The following HDAC11 variants were observed in gnomAD, a reference collection of about 807,000 sequenced individuals.
HDAC11 encodes histone deacetylase 11.
Under a neutral mutation model 41.1 loss-of-function variants are expected in HDAC11, and 23 were observed. The ratio of observed to expected loss-of-function variants is 0.56; its 90% CI spans 0.40 to 0.79. The LOEUF (loss-of-function observed/expected upper bound fraction) is 0.79. HDAC11 is among the 30% of genes least tolerant of loss of function. HDAC11 has a pLI of 0.00. For synonymous variants in HDAC11, 187 were observed against 186.6 expected (o/e 1.00, Z -0.02); for missense variants, 402 against 477.3 (o/e 0.84, Z 1.47).
At position 13,506,207 on chromosome 3, in the gene HDAC11, G is replaced by A. The variant is rs904194031; in HGVS notation, c.*1524G>A. 6.6e-6 allele frequency: 1 copy of A among 152,206 alleles called. No homozygotes were observed. The highest frequency in any genetic ancestry group is 1.5e-5 in the Non-Finnish European group (1 of 68,076). 9.4% of individuals were successfully genotyped at this position (152,206 alleles called of 1,614,324 possible). A position where few individuals can be genotyped will look rare whatever the true frequency, so the allele number is the denominator to read the frequency against. ...CCATTCACACCCAACACAGGCCAGC[G>A]ACTTCTGGGGCTCAGCCACAGACAT... On this transcript the variant is annotated 3_prime_UTR_variant, in exon 10 of 10. Transcript: ENST00000295757.
intron 5 of HDAC11, 48 bp downstream of exon 5, chr3:13,498,603 A>C (rs774716170): frequency 6.5e-7 from 1 of 1,533,780 alleles, no homozygotes; most frequent in East Asian, 2.3e-5. Flanking sequence ...GCTTGGTGGA[A>C]CTGGCCTGAA....
At chr3:13,495,656 C>T (rs1213936706) in intron 3 of HDAC11, among the ~76,000 whole-genome samples, 5 of 152,186 alleles carry the variant, frequency 3.3e-5, no homozygotes, top group African/African-American at 1.2e-4. Context: ...ACTGCCCTGA[C>T]GACAATGTGT....
At chr3:13,486,215 C>T (rs571252145) in intron 3 of HDAC11, among the ~76,000 whole-genome samples, 4 of 143,034 alleles carry the variant, frequency 2.8e-5, no homozygotes, top group East Asian at 2.1e-4. Context: ...TGCAGTGAGC[C>T]GAGATTGCGC....
chr3:13,488,501 A>G (rs1355658062), intron 3 of HDAC11, among the ~76,000 whole-genome samples: 1 of 152,180 alleles, frequency 6.6e-6, no homozygotes. Flanking sequence ...GATATTTCAT[A>G]TAAATGGAAT....
At position 13,502,363 on chromosome 3, in the gene HDAC11, A is replaced by G. The variant is rs766365829; in HGVS notation, c.552+430A>G. On this transcript the variant is annotated intron_variant, in intron 7 of 9. Coordinates refer to ENST00000295757, the MANE Select transcript of HDAC11 (RefSeq NM_024827.4). The surrounding 1 kb of genome is among the most constrained non-coding windows in gnomAD (Gnocchi z 4.1). The stretch of plus-strand genomic sequence containing the variant: ...GTCACCATTTAAGAACTCGGCGCCT[A>G]GGGAGTAAAGTGTCAAAGCAGAGGG... The G allele has an allele frequency of 2.1e-5, 4 of 193,992 alleles. No homozygotes were observed. The highest frequency in any genetic ancestry group is 4.7e-5 in the African/African-American group (2 of 42,802). The allele number at this position is 193,992 out of a possible 1,614,324, so 12.0% of individuals were successfully genotyped here.
At chr3:13,484,611 C>T (rs1216508964) in intron 3 of HDAC11, among the ~76,000 whole-genome samples, 1 of 152,180 alleles carries the variant, frequency 6.6e-6, no homozygotes, top group East Asian at 1.9e-4. Flanking sequence ...ACTGTAACCT[C>T]CGCCTCCCGG....
Position 13,504,714 on chromosome 3 carries a change from G to C in HDAC11, c.*31G>C, listed in dbSNP as rs758140264. ...GCTGCCCTGCCTGTCACGTGGCCCT[G>C]CCTATCCGCCCCTTAGTGCTTTTTG... On this transcript the variant is annotated 3_prime_UTR_variant, in exon 10 of 10. Coordinates refer to ENST00000295757, the MANE Select transcript of HDAC11 (RefSeq NM_024827.4). 1.3e-6 allele frequency: 2 copies of C among 1,577,434 alleles called. No homozygotes were observed. The highest frequency in any genetic ancestry group is 2.2e-5 in the East Asian group (1 of 44,708).
rs982097120 is a variant in HDAC11 at position 13,502,871 on chromosome 3, G to C, written c.553-13G>C. ...GCACCTACCCGAGAGCGGCTACTGT[G>C]ACCTCCCCACAGGGCAATGGGCATG... On this transcript the variant is annotated splice_polypyrimidine_tract_variant and intron_variant, in intron 7 of 9. Transcript: ENST00000295757. This position sits in a 1 kb window ranked among gnomAD's most constrained non-coding sequence, Gnocchi z 4.1. 2.5e-6 allele frequency: 4 copies of C among 1,611,094 alleles called. No individual in the cohort carries two copies. The African/African-American group carries it at 5.3e-5, about 22-fold the overall frequency.
chr3:13,486,355 A>G (rs1379859075), intron 3 of HDAC11, among the ~76,000 whole-genome samples: 2 of 151,814 alleles, frequency 1.3e-5, no homozygotes, highest in African/African-American at 2.4e-5. Flanking sequence ...TACAGAGAGA[A>G]TAAGACAGCA....
intron 3 of HDAC11, among the ~76,000 whole-genome samples, chr3:13,488,702 G>A (rs1701710319): frequency 6.6e-6 from 1 of 152,174 alleles, no homozygotes; most frequent in Non-Finnish European, 1.5e-5. Flanking sequence ...TGTGAGTAGT[G>A]TTGCTGTGGA....
Position 13,502,170 on chromosome 3 carries a change from T to C in HDAC11, c.552+237T>C. 1.8e-6 allele frequency: 1 copy of C among 545,864 alleles called. No individual in the cohort carries two copies. The highest frequency in any genetic ancestry group is 3.3e-6 in the Non-Finnish European group (1 of 305,554). 33.8% of individuals were successfully genotyped at this position (545,864 alleles called of 1,614,324 possible). On this transcript the variant is annotated intron_variant, in intron 7 of 9. Coordinates refer to ENST00000295757, the MANE Select transcript of HDAC11 (RefSeq NM_024827.4). The surrounding 1 kb of genome is among the most constrained non-coding windows in gnomAD (Gnocchi z 4.1). ...TCCTGACTGCCCCCACATGAGGCTC[T>C]TCCTGAAGCCCACTCTGATGGGACT...
At chr3:13,492,205 G>T (rs1701896313) in intron 3 of HDAC11, among the ~76,000 whole-genome samples, 1 of 152,328 alleles carries the variant, frequency 6.6e-6, no homozygotes, top group East Asian at 1.9e-4. Context: ...TCACCACAGG[G>T]TTGCCCTGCC....
At chr3:13,497,890 C>G (rs1465010468) in intron 4 of HDAC11, among the ~76,000 whole-genome samples, 2 of 127,918 alleles carry the variant, frequency 1.6e-5, no homozygotes, top group Admixed American at 8.4e-5. Flanking sequence ...GAGTCTCACT[C>G]TGTCCTCCAG....
At chr3:13,482,979 G>A (rs1297093289) in intron 2 of HDAC11, among the ~76,000 whole-genome samples, 1 of 151,642 alleles carries the variant, frequency 6.6e-6, no homozygotes, top group Non-Finnish European at 1.5e-5. Context: ...TTGAACTCCT[G>A]GGCTCAAGCA....
chr3:13,492,595 A>G (rs959267578), intron 3 of HDAC11, among the ~76,000 whole-genome samples: 9 of 152,008 alleles, frequency 5.9e-5, no homozygotes, highest in African/African-American at 1.9e-4. Flanking sequence ...CCCAGGCTGG[A>G]GTGCAGTGGT....
intron 5 of HDAC11, among the ~76,000 whole-genome samples, chr3:13,499,959 A>G (rs1702274641): frequency 6.6e-6 from 1 of 152,126 alleles, no homozygotes; most frequent in Admixed American, 6.5e-5. Context: ...CCTCATCTGT[A>G]AAATGGGGAT....
Position 13,497,118 on chromosome 3 carries a change from C to G in HDAC11, c.369+266C>G, listed in dbSNP as rs1006205182. Among the ~76,000 whole-genome samples the G allele has an allele frequency of 2.0e-5, 3 of 152,110 alleles. No individual in the cohort carries two copies. The South Asian group carries it at 6.2e-4, about 32-fold the overall frequency. On this transcript the variant is annotated intron_variant, in intron 4 of 9. Transcript: ENST00000295757. ...GTATATAATATACCTCTCCACCCAC[C>G]AAAGCGGATATCCTAGCACTATGGC...
At chr3:13,483,378 C>T in intron 2 of HDAC11, 86 bp from the exon 3 acceptor site, 1 of 1,173,100 alleles carries the variant, frequency 8.5e-7, no homozygotes, top group Non-Finnish European at 1.3e-6. Flanking sequence ...CTGCCACAGG[C>T]CAAGTCTGCA....
In HDAC11 at chr3:13,505,330, C is replaced by G. The variant is rs1702570589; in HGVS notation, c.*647C>G. 1 of 157,220 alleles carries G rather than the reference C, an allele frequency of 6.4e-6. No homozygotes were observed. Among genetic ancestry groups the G allele is most frequent in the African/African-American group, 2.4e-5 (1 of 41,490 alleles). 9.7% of individuals were successfully genotyped at this position (157,220 alleles called of 1,614,324 possible). ...CCCCCTCAATAAAGCAAGGTCTGGA[C>G]CTGCCTTCCCAGGCCCTTCTGTGGG... On this transcript the variant is annotated 3_prime_UTR_variant, in exon 10 of 10. Transcript: ENST00000295757.
Sources: allele counts gnomAD v4.1 joint callset (sites outside exome capture counted in the v4.1 genomes callset), GRCh38; gene constraint gnomAD v4.1.1; non-coding constraint Gnocchi (gnomAD v3.1); transcripts MANE v1.5; gene names NCBI Gene and HGNC (gene_info 2026-07-23, HGNC 2026-07-21).